The following TWSG1 variants were observed in gnomAD, a reference collection of about 807,000 sequenced individuals.
TWSG1 encodes the protein twisted gastrulation protein homolog 1.
In TWSG1, 15 loss-of-function variants were observed where a neutral mutation model predicts 23.0. The ratio of observed to expected loss-of-function variants is 0.65; its 90% CI spans 0.44 to 1.00. The LOEUF is 1.00. TWSG1 is among the 50% of genes least tolerant of loss of function. The pLI, the probability that TWSG1 is intolerant of heterozygous loss-of-function variation, is 0.00. For synonymous variants in TWSG1, 86 were observed against 92.8 expected, an observed-to-expected ratio of 0.93 and a Z score of 0.42; for missense variants, 242 against 278.7, an observed-to-expected ratio of 0.87 and a Z score of 0.94.
At position 9,396,527 on chromosome 18, in the gene TWSG1, G is replaced by T; in HGVS notation, c.471G>T (p.Ala157=). ...CTGTCCCCAGCAATAATGTTCACGC[G>T]CCTTATTCCAGTGACAAAGGTAACT... ...NVSVPSNNVH[A]PYSSDKEHMC... is the part of the protein sequence containing the mutation. The change falls in exon 4 of 5, where the codon GCG becomes GCT. Residue 157 remains alanine (A), a synonymous_variant. Coordinates refer to ENST00000262120, the MANE Select transcript of TWSG1 (RefSeq NM_020648.6). 6.2e-7 allele frequency: 1 copy of T among 1,612,414 alleles called. No individual in the cohort carries two copies. The highest frequency in any genetic ancestry group is 1.1e-5 in the South Asian group (1 of 91,064).
At chr18:9,354,793 G>T (rs1312918467) in intron 2 of TWSG1, among the ~76,000 whole-genome samples, 1 of 152,030 alleles carries the variant, frequency 6.6e-6, no homozygotes, top group Admixed American at 6.6e-5. Flanking sequence ...AAAGGGGGAG[G>T]AATTTAGGGT....
At chr18:9,393,068 A>G (rs1349713220) in intron 3 of TWSG1, among the ~76,000 whole-genome samples, 1 of 152,232 alleles carries the variant, frequency 6.6e-6, no homozygotes, top group Non-Finnish European at 1.5e-5. Flanking sequence ...AATGTTTGAA[A>G]TATTGCAAGA....
At chr18:9,395,347 T>C (rs953574961) in intron 3 of TWSG1, among the ~76,000 whole-genome samples, 5 of 152,212 alleles carry the variant, frequency 3.3e-5, no homozygotes, top group African/African-American at 7.2e-5. Context: ...TGGAGAACTT[T>C]CCAAGAATAC....
At chr18:9,379,026 A>C (rs1235387576) in intron 3 of TWSG1, among the ~76,000 whole-genome samples, 1 of 152,136 alleles carries the variant, frequency 6.6e-6, no homozygotes, top group Non-Finnish European at 1.5e-5. Context: ...AAAATAACAG[A>C]TGCTGGCGAA....
intron 3 of TWSG1, among the ~76,000 whole-genome samples, chr18:9,386,527 T>C (rs977721509): frequency 1.4e-5 from 2 of 146,362 alleles, no homozygotes; most frequent in African/African-American, 2.5e-5. Flanking sequence ...TAGAATATAG[T>C]GAAAACAGGC....
chr18:9,391,768 C>G (rs189127284), intron 3 of TWSG1, among the ~76,000 whole-genome samples: 1 of 152,256 alleles, frequency 6.6e-6, no homozygotes, highest in East Asian at 1.9e-4. Context: ...ATAAGACTTG[C>G]AAGTTGAAAT....
rs1035647069 is a variant in TWSG1, at chr18:9,402,269, A to G, written c.*2742A>G. 1 of 152,214 alleles carries G rather than the reference A, an allele frequency of 6.6e-6. No individual in the cohort carries two copies. The highest frequency in any genetic ancestry group is 2.4e-5 in the African/African-American group (1 of 41,458). 9.4% of individuals were successfully genotyped at this position (152,214 alleles called of 1,614,324 possible). ...AGCCACATTTCTAAAGTTTATTTTT[A>G]TGAAAGCTTCTTTTAAGATTTTGAA... On this transcript the variant is annotated 3_prime_UTR_variant, in exon 5 of 5. Coordinates refer to ENST00000262120, the MANE Select transcript of TWSG1 (RefSeq NM_020648.6).
At chr18:9,356,129 C>CT (rs2040525949) in intron 2 of TWSG1, among the ~76,000 whole-genome samples, 1 of 152,162 alleles carries the variant, frequency 6.6e-6, no homozygotes, top group African/African-American at 2.4e-5. Context: ...AAGCTTATCT[C>CT]TGTCGTTTCC....
intron 3 of TWSG1, among the ~76,000 whole-genome samples, chr18:9,365,329 AT>A (rs944916776): frequency 3.3e-5 from 5 of 151,844 alleles, no homozygotes; most frequent in African/African-American, 4.8e-5. Flanking sequence ...CTCTAAAAAA[AT>A]TTTTTTAAAT....
intron 2 of TWSG1, among the ~76,000 whole-genome samples, chr18:9,339,859 G>A (rs1314716931): frequency 6.6e-6 from 1 of 152,026 alleles, no homozygotes; most frequent in Non-Finnish European, 1.5e-5. Context: ...TACTATATCA[G>A]TGTAAAAAAA....
chr18:9,379,675 G>C (rs2040647627), intron 3 of TWSG1, among the ~76,000 whole-genome samples: 2 of 152,136 alleles, frequency 1.3e-5, no homozygotes, highest in East Asian at 1.9e-4. Flanking sequence ...AAAAGTTAAA[G>C]TGTTTTTAAA....
chr18:9,336,349 G>T (rs557747765), intron 1 of TWSG1, among the ~76,000 whole-genome samples: 71 of 151,028 alleles, frequency 4.7e-4, no homozygotes, highest in African/African-American at 1.6e-3. Context: ...CCGAGATTGC[G>T]CCACTGCACT....
rs575145579 is a variant in TWSG1, at chr18:9,340,095, G to A, written c.123+2743G>A. On this transcript the variant is annotated intron_variant, in intron 2 of 4. Transcript: ENST00000262120. The stretch of plus-strand genomic sequence containing the variant: ...GAAAAGATCTAGGGCTGGGCCGGGC[G>A]CGGTGGCTCAAGCCTGTAATCCCAG... Among the ~76,000 whole-genome samples, 4 of 152,080 alleles carry A rather than the reference G, an allele frequency of 2.6e-5. No homozygotes were observed. In the East Asian group the frequency reaches 5.8e-4, roughly 22 times the overall value.
chr18:9,336,721 G>C (rs1276343054), intron 1 of TWSG1, among the ~76,000 whole-genome samples: 1 of 152,152 alleles, frequency 6.6e-6, no homozygotes, highest in African/African-American at 2.4e-5. Flanking sequence ...TTATTTGCCT[G>C]ATATACTCTC....
intron 2 of TWSG1, among the ~76,000 whole-genome samples, chr18:9,359,685 G>A (rs1273728282): frequency 2.0e-5 from 3 of 152,154 alleles, no homozygotes; most frequent in Non-Finnish European, 4.4e-5. Flanking sequence ...TGAATTATTC[G>A]TTGAGGTGGT....
chr18:9,336,516 A>G (rs963554882), intron 1 of TWSG1, among the ~76,000 whole-genome samples: 2 of 152,178 alleles, frequency 1.3e-5, no homozygotes, highest in Admixed American at 6.5e-5. Flanking sequence ...TGTGGACTCT[A>G]CTTCTTGCTT....
At chr18:9,344,845 C>T (rs2040469283) in intron 2 of TWSG1, among the ~76,000 whole-genome samples, 1 of 151,840 alleles carries the variant, frequency 6.6e-6, no homozygotes, top group Non-Finnish European at 1.5e-5. Context: ...ACTCCTGGGC[C>T]AACACGATCC....
chr18:9,344,645 C>T (rs905568509), intron 2 of TWSG1, among the ~76,000 whole-genome samples: 6 of 151,660 alleles, frequency 4.0e-5, no homozygotes, highest in African/African-American at 1.5e-4. Flanking sequence ...CCTCCCACCT[C>T]AGTCTCCCAA....
In TWSG1 at chr18:9,359,961, CTTGTT is replaced by C. The variant is rs1248852508; in HGVS notation, c.124-9_124-5del. 1.9e-6 allele frequency: 3 copies of C among 1,610,066 alleles called. No individual in the cohort carries two copies. Among genetic ancestry groups the C allele is most frequent in the Middle Eastern group, 1.7e-4 (1 of 6,050 alleles). ...TTGGAATTTGAAGTTTAACATCTGTCTTGTTTCTAGGAGCTCTGCCAGTGCCGGCC... is the reference window on the plus strand; with the variant it reads ...TTGGAATTTGAAGTTTAACATCTGTCTCTAGGAGCTCTGCCAGTGCCGGCC... On this transcript the variant is annotated splice_polypyrimidine_tract_variant and splice_region_variant and intron_variant, in intron 2 of 4. Coordinates refer to ENST00000262120, the MANE Select transcript of TWSG1 (RefSeq NM_020648.6).
Sources: allele counts gnomAD v4.1 joint callset (sites outside exome capture counted in the v4.1 genomes callset), GRCh38; gene constraint gnomAD v4.1.1; transcripts MANE v1.5; gene names NCBI Gene and HGNC (gene_info 2026-07-23, HGNC 2026-07-21).